The following PTCH1 variants were observed in gnomAD, a reference collection of about 807,000 sequenced individuals.
The protein encoded by PTCH1 is patched 1, also known as protein patched homolog 1.
PTCH1 carries 14 observed loss-of-function variants against 144.6 expected under a neutral mutation model. The observed-to-expected ratio is 0.10, with a 90% CI of 0.06 to 0.15. The LOEUF (loss-of-function observed/expected upper bound fraction) is 0.15. Among genes scored for constraint, PTCH1 ranks in the 10% least tolerant of loss-of-function variants. The pLI, the probability that PTCH1 is intolerant of heterozygous loss-of-function variation, is 1.00. For synonymous variants in PTCH1, 833 were observed against 793.6 expected (o/e 1.05, Z -0.83); for missense variants, 1,623 against 1,948.3 (o/e 0.83, Z 3.14).
intron 15 of PTCH1, among the ~76,000 whole-genome samples, chr9:95,464,400 A>G (rs1205747029): frequency 1.3e-5 from 2 of 152,220 alleles, no homozygotes; most frequent in Non-Finnish European, 2.9e-5. Context: ...AAACCTTAAT[A>G]TCTTAGCTAG....
At chr9:95,461,524 G>T (rs974501194) in intron 16 of PTCH1, among the ~76,000 whole-genome samples, 1 of 152,154 alleles carries the variant, frequency 6.6e-6, no homozygotes, top group Non-Finnish European at 1.5e-5. Flanking sequence ...CCGAGTCCTA[G>T]AACTGAAAGA....
intron 20 of PTCH1, 97 bp from the exon 21 acceptor site, chr9:95,450,037 G>A: frequency 1.9e-6 from 2 of 1,068,602 alleles, no homozygotes; most frequent in Non-Finnish European, 2.9e-6. Flanking sequence ...CGCCAGAAAT[G>A]AACAAAACCC....
At chr9:95,506,314 C>T in intron 2 of PTCH1, 93 bp downstream of exon 2, 2 of 1,414,342 alleles carry the variant, frequency 1.4e-6, no homozygotes, top group Non-Finnish European at 1.9e-6. Flanking sequence ...TCGCCGGCCG[C>T]AGCCAGGCTC....
intron 2 of PTCH1, among the ~76,000 whole-genome samples, chr9:95,486,163 T>G (rs1841952220): frequency 6.6e-6 from 1 of 152,200 alleles, no homozygotes; most frequent in African/African-American, 2.4e-5. Context: ...AAAGGAAAAC[T>G]TGAGACACCT....
chr9:95,474,464 C>T (rs1253522781), intron 12 of PTCH1, among the ~76,000 whole-genome samples: 2 of 152,172 alleles, frequency 1.3e-5, no homozygotes, highest in Non-Finnish European at 2.9e-5. Flanking sequence ...TTGTCCTGTG[C>T]TTTGGTTCGA....
At chr9:95,446,621 A>ACTGG (rs1837918196) in intron 23 of PTCH1, 11 of 533,152 alleles carry the variant, frequency 2.1e-5, no homozygotes, top group Non-Finnish European at 3.1e-5. Context: ...CTCCATAAAG[A>ACTGG]CTGGCAAATA....
chr9:95,499,446 T>G, intron 2 of PTCH1, among the ~76,000 whole-genome samples: 1 of 138,746 alleles, frequency 7.2e-6, no homozygotes, highest in African/African-American at 2.7e-5. Flanking sequence ...GAGATCCACT[T>G]GGAAGGAAAT....
At chr9:95,510,892 G>T (rs971874194), upstream of PTCH1, among the ~76,000 whole-genome samples, 3 of 150,832 alleles carry the variant, frequency 2.0e-5, no homozygotes, top group Non-Finnish European at 4.4e-5. Context: ...CGCCCGCGCG[G>T]CCGGGGCAGA....
At chr9:95,459,017 G>C (rs139148461) in intron 17 of PTCH1, among the ~76,000 whole-genome samples, 1 of 152,052 alleles carries the variant, frequency 6.6e-6, no homozygotes, top group Admixed American at 6.6e-5. Context: ...CCCTTGGCCC[G>C]GTATCCAAAG....
chr9:95,449,037 A>G lies in PTCH1; in HGVS notation c.3804+32T>C, dbSNP rs199982439. 4,403 of 1,612,168 alleles carry G rather than the reference A, an allele frequency of 2.7e-3. 10 individuals carry two copies. Among genetic ancestry groups the G allele is most frequent in the Middle Eastern group, 8.9e-3 (54 of 6,054 alleles). On this transcript the variant is annotated intron_variant, in intron 22 of 23. Transcript: ENST00000331920. This position sits in a 1 kb window ranked among gnomAD's most constrained non-coding sequence, Gnocchi z 5.3. ...CCAGGCCCACTACCACGGTGGGAAG[A>G]CCCCTCCCCCTGGTTCTGCAGAGTC...
At chr9:95,516,636 G>A in exon 1 of PTCH1, 1 of 1,609,348 alleles carries the variant, frequency 6.2e-7, no homozygotes, top group African/African-American at 1.3e-5. Flanking sequence ...GTCGCTGCGG[G>A]TCTCTTTGTC....
chr9:95,446,497 G>A (rs967044656), intron 23 of PTCH1, 106 bp from the exon 24 acceptor site: 10 of 480,288 alleles, frequency 2.1e-5, no homozygotes, highest in East Asian at 6.0e-5. Flanking sequence ...TAGAAATCAC[G>A]AGAGTGGGGT....
intron 8 of PTCH1, 22 bp downstream of exon 8, chr9:95,478,978 G>A (rs1317834455): frequency 1.9e-6 from 3 of 1,614,018 alleles, no homozygotes; most frequent in African/African-American, 2.7e-5. Flanking sequence ...GAGTCTGCAC[G>A]CCGATTCGAA....
At chr9:95,450,386 C>G in intron 20 of PTCH1, 1 of 254,104 alleles carries the variant, frequency 3.9e-6, no homozygotes, top group Non-Finnish European at 7.7e-6. Context: ...AACAATTTAG[C>G]CCAGGAGGAA....
At position 95,479,072 on chromosome 9, in the gene PTCH1, A is replaced by G; in HGVS notation, c.1143T>C (p.Tyr381=). ...QMYEHFKGYE[Y]VSHINWNEDK... is the part of the protein sequence containing the mutation. The stretch of plus-strand genomic sequence containing the variant: ...CCTCGTTCCAGTTGATGTGTGAGAC[A>G]TACTCGTACCCCTTGAAGTGCTCGT... The change falls in exon 8 of 24, where the codon TAT becomes TAC. Residue 381 remains tyrosine, a synonymous_variant. Coordinates refer to ENST00000331920, the MANE Select transcript of PTCH1 (RefSeq NM_000264.5). The G allele has an allele frequency of 6.2e-7, 1 of 1,614,184 alleles. No individual in the cohort carries two copies. The highest frequency in any genetic ancestry group is 8.5e-7 in the Non-Finnish European group (1 of 1,180,036).
At position 95,449,128 on chromosome 9, in the gene PTCH1, C is replaced by G. The variant is rs769446796; in HGVS notation, c.3745G>C (p.Gly1249Arg). The G allele has an allele frequency of 6.2e-7, 1 of 1,614,184 alleles. No individual in the cohort carries two copies. The highest frequency in any genetic ancestry group is 8.5e-7 in the Non-Finnish European group (1 of 1,180,030). ...RHYEAQQGAG[G>R]PAHQVIVEAT... The stretch of plus-strand genomic sequence containing the variant: ...TCCACGATCACTTGGTGGGCAGGGC[C>G]TCCCGCGCCCTGCTGGGCCTCGTAG... Residue 1249 changes from glycine to arginine, a missense_variant, in exon 22 of 24, where the codon GGC becomes CGC. Physicochemically the swap from Gly to Arg is moderately radical, Grantham distance 125. Coordinates refer to ENST00000331920, the MANE Select transcript of PTCH1 (RefSeq NM_000264.5). The surrounding 1 kb of genome is among the most constrained non-coding windows in gnomAD (Gnocchi z 5.3).
intron 1 of PTCH1, 62 bp downstream of exon 1, chr9:95,508,099 G>A: frequency 6.2e-7 from 1 of 1,602,302 alleles, no homozygotes; most frequent in South Asian, 1.1e-5. Context: ...GTGTGTGGCG[G>A]GGGCGATCCC....
intron 2 of PTCH1, 175 bp downstream of exon 2, chr9:95,506,232 T>C: frequency 1.5e-6 from 1 of 671,948 alleles, no homozygotes; most frequent in Non-Finnish European, 2.4e-6. Flanking sequence ...CAGCGCGGCC[T>C]TTGTCGGGCG....
In PTCH1 at chr9:95,502,236, G is replaced by A. The variant is rs74444442; in HGVS notation, c.394+4171C>T. Among the ~76,000 whole-genome samples, 85 of 152,272 alleles carry A rather than the reference G, an allele frequency of 5.6e-4. 2 individuals carry two copies. The East Asian group carries it at 0.016, about 29-fold the overall frequency. ...CACCCTTGAGGCCATCCTGGAAGAT[G>A]TCCCCGATTTTCCTGCCATCTTGGC... On this transcript the variant is annotated intron_variant, in intron 2 of 23. Coordinates refer to ENST00000331920, the MANE Select transcript of PTCH1 (RefSeq NM_000264.5).
Sources: gnomAD v4.1 joint callset for allele counts (sites outside exome capture counted in the v4.1 genomes callset) on GRCh38, gnomAD v4.1.1 for gene constraint, Gnocchi (gnomAD v3.1) non-coding constraint, MANE v1.5 for transcripts, NCBI Gene and HGNC (gene_info 2026-07-23, HGNC 2026-07-21) for gene names.